Variants in SYNE2 observed in about 807,000 individuals in gnomAD.
SYNE2 encodes the protein nesprin-2.
Under a neutral mutation model 856.3 loss-of-function variants are expected in SYNE2, and 431 were observed. The ratio of observed to expected loss-of-function variants is 0.50; its 90% CI spans 0.47 to 0.55. SYNE2 has a LOEUF of 0.55. SYNE2 is among the 20% of genes least tolerant of loss of function. The probability of loss-of-function intolerance (pLI) is 0.00; values close to 1 mark genes in which losing one functional copy is unlikely to be tolerated. For synonymous variants in SYNE2, 2,923 were observed against 2,872.3 expected, an observed-to-expected ratio of 1.02 and a Z score of -0.56; for missense variants, 8,129 against 8,023.2, an observed-to-expected ratio of 1.01 and a Z score of -0.50.
rs149084621 is a variant in SYNE2, at chr14:64,184,881, A to G, written c.17557-1543A>G. On this transcript the variant is annotated intron_variant, in intron 96 of 115. Transcript: ENST00000555002. ...ATTCTTGTTGGTAAGTTATGAAATC[A>G]TGCCAGTGTAGCTTTTAGAACTCTG... 2.2e-3 allele frequency among the ~76,000 whole-genome samples: 328 copies of G among 152,390 alleles called. 2 individuals carry two copies. The highest frequency in any genetic ancestry group is 7.5e-3 in the African/African-American group (310 of 41,590).
At position 63,876,548 on chromosome 14, in the gene SYNE2, C is replaced by T. The variant is rs969034619; in HGVS notation, c.-52+23405C>T. ...TGTTGCCCAGGCTGGAGTGCAGTGG[C>T]GTGATTTCCGCTCACTGCAAGCTCC... On this transcript the variant is annotated intron_variant, in intron 1 of 115. Coordinates refer to ENST00000555002, the MANE Select transcript of SYNE2 (RefSeq NM_182914.3). 5.3e-5 allele frequency among the ~76,000 whole-genome samples: 8 copies of T among 150,082 alleles called. No homozygotes were observed. In the East Asian group the frequency reaches 9.8e-4, roughly 18 times the overall value.
chr14:63,799,790 G>A (rs1888060259), intron 1 of SYNE2, among the ~76,000 whole-genome samples: 1 of 152,152 alleles, frequency 6.6e-6, no homozygotes. Context: ...TCTTCCAGTA[G>A]ATGTCAGTGT....
intron 1 of SYNE2, among the ~76,000 whole-genome samples, chr14:63,772,560 G>A (rs577056000): frequency 1.4e-4 from 21 of 151,652 alleles, no homozygotes; most frequent in African/African-American, 4.6e-4. Flanking sequence ...TGGCCAACAC[G>A]GTGAAACCCC....
rs879078148 is a variant in SYNE2, at chr14:63,990,721, G to A, written c.2472+152G>A. 164 of 817,870 alleles carry A rather than the reference G, an allele frequency of 2.0e-4. 1 individual carries two copies. In the South Asian group the frequency reaches 2.7e-3, roughly 13 times the overall value. The allele number at this position is 817,870 out of a possible 1,614,324, so 50.7% of individuals were successfully genotyped here. On this transcript the variant is annotated intron_variant, in intron 20 of 115. Transcript: ENST00000555002. ...ATGTTTTATTTCTTTATAATTTAAA[G>A]CGTATCAGAAAATATAAGTATCATA...
chr14:64,091,901 A>G (rs2097620117), intron 60 of SYNE2, among the ~76,000 whole-genome samples: 1 of 152,054 alleles, frequency 6.6e-6, no homozygotes, highest in African/African-American at 2.4e-5. Flanking sequence ...AAGAAGAAAA[A>G]TGACTATATG....
At chr14:64,210,195 CTTG>C in intron 103 of SYNE2, 71 bp downstream of exon 103, 1 of 1,541,594 alleles carries the variant, frequency 6.5e-7, no homozygotes, top group South Asian at 1.2e-5. Context: ...CAATGGCAGG[CTTG>C]TGGCACAAAG....
At chr14:64,128,666 T>G in intron 74 of SYNE2, 113 bp downstream of exon 74, 2 of 728,168 alleles carry the variant, frequency 2.7e-6, no homozygotes, top group Admixed American at 4.2e-5. Flanking sequence ...CTTAAGTAAA[T>G]AAATAAAAAA....
chr14:63,804,770 G>C (rs975678525), intron 1 of SYNE2, among the ~76,000 whole-genome samples: 1 of 152,034 alleles, frequency 6.6e-6, no homozygotes, highest in African/African-American at 2.4e-5. Flanking sequence ...CTGTGATTAC[G>C]GGTGTGAGCC....
At chr14:63,860,274 G>C (rs778976415) in intron 1 of SYNE2, among the ~76,000 whole-genome samples, 24 of 150,094 alleles carry the variant, frequency 1.6e-4, no homozygotes, top group Non-Finnish European at 3.5e-4. Context: ...CCTGCACTTG[G>C]AGAACCCTCC....
intron 99 of SYNE2, chr14:64,196,948 T>C (rs1025176654): frequency 6.6e-6 from 1 of 152,240 alleles, no homozygotes; most frequent in East Asian, 1.9e-4. Flanking sequence ...ACAAGGAGCC[T>C]TGGAGAGGGC....
At chr14:64,186,707 G>A in intron 97 of SYNE2, 128 bp downstream of exon 97, 1 of 1,223,192 alleles carries the variant, frequency 8.2e-7, no homozygotes, top group Non-Finnish European at 1.2e-6. Context: ...CCCTGGCCCG[G>A]CCGCTGCTCC....
intron 1 of SYNE2, among the ~76,000 whole-genome samples, chr14:63,907,941 T>A (rs2153348220): frequency 6.6e-6 from 1 of 152,300 alleles, no homozygotes; most frequent in South Asian, 2.1e-4. Flanking sequence ...ATTTGGTAGC[T>A]GAAATCTTTA....
At chr14:64,072,780 C>T (rs980977598) in intron 52 of SYNE2, among the ~76,000 whole-genome samples, 1 of 152,172 alleles carries the variant, frequency 6.6e-6, no homozygotes, top group African/African-American at 2.4e-5. Context: ...GGATTACAGG[C>T]GTGAGCCACT....
At chr14:64,082,051 A>T (rs1012793118) in intron 57 of SYNE2, among the ~76,000 whole-genome samples, 1 of 151,748 alleles carries the variant, frequency 6.6e-6, no homozygotes, top group Non-Finnish European at 1.5e-5. Flanking sequence ...GCACCACTGC[A>T]CTCCAGCCTG....
rs1419826681 is a variant in SYNE2 at position 64,072,459 on chromosome 14, T to C, written c.10698-1509T>C. The stretch of plus-strand genomic sequence containing the variant: ...ATCCATCCCACAAGAGGACCTCTAC[T>C]TCAGATGCCAATCATCAGTAGTAGG... On this transcript the variant is annotated intron_variant, in intron 52 of 115. Transcript: ENST00000555002. Among the ~76,000 whole-genome samples the C allele has an allele frequency of 2.0e-5, 3 of 151,470 alleles. No homozygotes were observed. The East Asian group carries it at 5.8e-4, about 29-fold the overall frequency.
intron 60 of SYNE2, among the ~76,000 whole-genome samples, chr14:64,091,805 C>T (rs912786506): frequency 6.6e-6 from 1 of 152,158 alleles, no homozygotes. Flanking sequence ...CAACCGTCTC[C>T]GTCAACCTCC....
At chr14:63,907,934 T>G (rs1318405799) in intron 1 of SYNE2, among the ~76,000 whole-genome samples, 4 of 152,182 alleles carry the variant, frequency 2.6e-5, no homozygotes, top group Non-Finnish European at 5.9e-5. Flanking sequence ...CAAGTTAATT[T>G]GGTAGCTGAA....
At chr14:64,036,958 C>G (rs1211659184) in intron 45 of SYNE2, among the ~76,000 whole-genome samples, 1 of 152,024 alleles carries the variant, frequency 6.6e-6, no homozygotes, top group African/African-American at 2.4e-5. Flanking sequence ...TTACAGGAAC[C>G]AAAGGAAGGA....
intron 2 of SYNE2, among the ~76,000 whole-genome samples, chr14:63,937,839 G>A (rs2095852047): frequency 6.6e-6 from 1 of 152,148 alleles, no homozygotes; most frequent in Non-Finnish European, 1.5e-5. Flanking sequence ...GGTAATAATT[G>A]ATCATGGAAC....
Sources: allele counts gnomAD v4.1 joint callset (sites outside exome capture counted in the v4.1 genomes callset), GRCh38; gene constraint gnomAD v4.1.1; transcripts MANE v1.5; gene names NCBI Gene and HGNC (gene_info 2026-07-23, HGNC 2026-07-21).